The following CREB5 variants were observed in gnomAD, a reference collection of about 807,000 sequenced individuals.
CREB5 encodes cyclic AMP-responsive element-binding protein 5.
A neutral mutation model predicts 57.1 loss-of-function variants in CREB5; 19 were observed. The ratio of observed to expected loss-of-function variants is 0.33; its 90% confidence interval spans 0.23 to 0.49. CREB5 has a LOEUF of 0.49. Ranked by LOEUF, CREB5 falls within the 20% of genes least tolerant of loss-of-function variation. The pLI, the probability that CREB5 is intolerant of heterozygous loss-of-function variation, is 0.99. For synonymous variants in CREB5, 238 were observed against 238.3 expected (o/e 1.00, Z 0.01); for missense variants, 579 against 671.6 (o/e 0.86, Z 1.52).
chr7:28,683,431 T>C (rs1044399899), intron 5 of CREB5, among the ~76,000 whole-genome samples: 1 of 152,150 alleles, frequency 6.6e-6, no homozygotes, highest in Non-Finnish European at 1.5e-5. Flanking sequence ...AACTCTGAAA[T>C]TGATTTCAAT....
At chr7:28,770,369 AAG>A (rs1806256348) in intron 7 of CREB5, among the ~76,000 whole-genome samples, 1 of 152,184 alleles carries the variant, frequency 6.6e-6, no homozygotes, top group Non-Finnish European at 1.5e-5. Context: ...TGGGTAGGGA[AAG>A]AGAAACAACA....
chr7:28,669,757 G>A (rs932970395), intron 5 of CREB5, among the ~76,000 whole-genome samples: 3 of 152,172 alleles, frequency 2.0e-5, no homozygotes, highest in Non-Finnish European at 2.9e-5. Context: ...CTGTTTTACC[G>A]TAAGCTCTGG....
chr7:28,794,285 T>C (rs2128793488), intron 7 of CREB5, among the ~76,000 whole-genome samples: 1 of 152,328 alleles, frequency 6.6e-6, no homozygotes, highest in South Asian at 2.1e-4. Flanking sequence ...AGGTGAGTAG[T>C]GTTTGTTAGC....
At position 28,364,878 on chromosome 7, in the gene CREB5, A is replaced by G. The variant is rs180681207; in HGVS notation, c.-25+65437A>G. Among the ~76,000 whole-genome samples the G allele has an allele frequency of 1.9e-3, 296 of 152,042 alleles. 1 individual carries two copies. The highest frequency in any genetic ancestry group is 7.0e-3 in the African/African-American group (290 of 41,462). On this transcript the variant is annotated intron_variant, in intron 1 of 9. Coordinates refer to the CREB5 transcript ENST00000396299. The stretch of plus-strand genomic sequence containing the variant: ...CTTCTAAAGCACATGGCATCTTACT[A>G]TTTCACCCAACATTCTTTTATAGCC...
intron 5 of CREB5, among the ~76,000 whole-genome samples, chr7:28,705,929 A>G (rs1401257658): frequency 1.3e-5 from 2 of 152,256 alleles, no homozygotes; most frequent in Non-Finnish European, 2.9e-5. Context: ...AGACACAGAC[A>G]TTTCAATTGT....
chr7:28,436,180 C>A (rs982907992), intron 1 of CREB5, among the ~76,000 whole-genome samples: 29 of 152,120 alleles, frequency 1.9e-4, no homozygotes, highest in Admixed American at 1.3e-3. Flanking sequence ...ATTCCTGCAA[C>A]CTGATATGCC....
intron 2 of CREB5, among the ~76,000 whole-genome samples, chr7:28,491,723 C>G (rs961840732): frequency 3.3e-5 from 5 of 152,062 alleles, no homozygotes; most frequent in African/African-American, 4.8e-5. Context: ...TAGCAGTCAC[C>G]CAGCAGTCAC....
At chr7:28,398,548 A>G (rs916844120) in intron 1 of CREB5, among the ~76,000 whole-genome samples, 1 of 152,224 alleles carries the variant, frequency 6.6e-6, no homozygotes, top group Non-Finnish European at 1.5e-5. Context: ...CTATACTGCT[A>G]TTTCCATAGC....
intron 1 of CREB5, among the ~76,000 whole-genome samples, chr7:28,431,161 A>G (rs1293352732): frequency 6.6e-6 from 1 of 152,204 alleles, no homozygotes; most frequent in Non-Finnish European, 1.5e-5. Flanking sequence ...CAAATCACTG[A>G]AGTGACATCC....
At chr7:28,719,799 C>T (rs1300604052) in intron 6 of CREB5, among the ~76,000 whole-genome samples, 1 of 152,050 alleles carries the variant, frequency 6.6e-6, no homozygotes, top group East Asian at 1.9e-4. Flanking sequence ...TGGTGGCTCT[C>T]GCCTGTAATC....
chr7:28,643,003 C>T (rs879720314), intron 5 of CREB5, among the ~76,000 whole-genome samples: 247 of 142,904 alleles, frequency 1.7e-3, no homozygotes, highest in African/African-American at 4.5e-3. Flanking sequence ...CACACACACA[C>T]ACACACACAC....
chr7:28,397,318 G>T (rs1787357801), intron 1 of CREB5, among the ~76,000 whole-genome samples: 1 of 152,200 alleles, frequency 6.6e-6, no homozygotes, highest in Non-Finnish European at 1.5e-5. Flanking sequence ...ATGAGTGATG[G>T]CAGCTGTATT....
At chr7:28,732,002 T>C (rs1279156471) in intron 7 of CREB5, among the ~76,000 whole-genome samples, 2 of 152,186 alleles carry the variant, frequency 1.3e-5, no homozygotes, top group Non-Finnish European at 2.9e-5. Context: ...GTTTTCTCGC[T>C]GTTTTCTTTG....
At chr7:28,396,187 T>C (rs1787330546) in intron 1 of CREB5, among the ~76,000 whole-genome samples, 1 of 152,230 alleles carries the variant, frequency 6.6e-6, no homozygotes. Flanking sequence ...CAAACATGAT[T>C]CTACACTATT....
chr7:28,469,263 C>T (rs1790715701), intron 1 of CREB5, among the ~76,000 whole-genome samples: 1 of 152,002 alleles, frequency 6.6e-6, no homozygotes, highest in Non-Finnish European at 1.5e-5. Context: ...GAAAGTGGAC[C>T]ACCTGTGTAC....
intron 7 of CREB5, among the ~76,000 whole-genome samples, chr7:28,802,941 A>G (rs1397298088): frequency 1.3e-5 from 2 of 152,372 alleles, no homozygotes; most frequent in African/African-American, 4.8e-5. Context: ...TTGTATCAGA[A>G]CATAGCAGAT....
intron 1 of CREB5, among the ~76,000 whole-genome samples, chr7:28,351,512 C>T (rs1041710571): frequency 7.9e-5 from 12 of 152,150 alleles, no homozygotes; most frequent in African/African-American, 2.2e-4. Flanking sequence ...CTTTCCTATT[C>T]CTTTCTTCCC....
intron 1 of CREB5, among the ~76,000 whole-genome samples, chr7:28,441,950 G>A (rs1206589084): frequency 6.6e-6 from 1 of 152,084 alleles, no homozygotes. Context: ...TGTGTTGTAA[G>A]TATTCGAATG....
In CREB5 at chr7:28,412,814, TA is replaced by T; in HGVS notation, c.-99del. 1.8e-6 allele frequency: 2 copies of T among 1,122,262 alleles called. No homozygotes were observed. The highest frequency in any genetic ancestry group is 2.5e-6 in the Non-Finnish European group (2 of 808,218). The allele number at this position is 1,122,262 out of a possible 1,614,324, so 69.5% of individuals were successfully genotyped here. A position where few individuals can be genotyped will look rare whatever the true frequency, so the allele number is the denominator to read the frequency against. Reference sequence around the variant, plus strand: ...AAATACTCAAGACTTATTTTCTTCCTAATCTTGCTGGTGAAACAGAAGTTAC... The same window carrying T: ...AAATACTCAAGACTTATTTTCTTCCTATCTTGCTGGTGAAACAGAAGTTAC... On this transcript the variant is annotated 5_prime_UTR_variant, in exon 1 of 11. Coordinates refer to ENST00000357727, the MANE Select transcript of CREB5 (RefSeq NM_182898.4).
Sources: allele counts gnomAD v4.1 joint callset (sites outside exome capture counted in the v4.1 genomes callset), GRCh38; gene constraint gnomAD v4.1.1; transcripts MANE v1.5; gene names NCBI Gene and HGNC (gene_info 2026-07-23, HGNC 2026-07-21).